Variants in CAST observed in about 807,000 individuals in gnomAD.
CAST encodes the protein MIR583 host.
Under a neutral mutation model 119.6 loss-of-function variants are expected in CAST, and 76 were observed. The ratio of observed to expected loss-of-function variants is 0.64; its 90% CI spans 0.53 to 0.77. The LOEUF (loss-of-function observed/expected upper bound fraction) is 0.77. CAST is among the 30% of genes least tolerant of loss of function. The pLI, the probability that CAST is intolerant of heterozygous loss-of-function variation, is 0.00. For synonymous variants in CAST, 319 were observed against 331.6 expected, an observed-to-expected ratio of 0.96 and a Z score of 0.41; for missense variants, 953 against 946.5, an observed-to-expected ratio of 1.01 and a Z score of -0.09.
chr5:96,059,003 C>A, the CAST span, among the ~76,000 whole-genome samples: 7 of 152,060 alleles, frequency 4.6e-5, no homozygotes, highest in Admixed American at 4.6e-4. Flanking sequence ...ATGACGAAAA[C>A]TTTAGCTGGA....
the CAST span, among the ~76,000 whole-genome samples, chr5:96,311,827 C>G: frequency 6.6e-6 from 1 of 151,960 alleles, no homozygotes; most frequent in South Asian, 2.1e-4. Context: ...TTCTTATAGG[C>G]AGCATATAAT....
At chr5:96,365,805 G>A in the CAST span, among the ~76,000 whole-genome samples, 2 of 152,142 alleles carry the variant, frequency 1.3e-5, no homozygotes, top group Non-Finnish European at 2.9e-5. Flanking sequence ...CTTTTAATTG[G>A]AGCATTTAGC....
chr5:96,212,836 A>T, the CAST span, among the ~76,000 whole-genome samples: 106 of 152,254 alleles, frequency 7.0e-4, no homozygotes, highest in African/African-American at 2.5e-3. Context: ...ATGTAGGGCC[A>T]GGCTCAGACA....
At chr5:96,186,987 G>A in the CAST span, among the ~76,000 whole-genome samples, 20 of 151,982 alleles carry the variant, frequency 1.3e-4, no homozygotes, top group Non-Finnish European at 2.5e-4. Flanking sequence ...CCTGGGCTTC[G>A]TTTTGTTGGT....
chr5:96,762,482 A>T, intron 25 of CAST, 110 bp downstream of exon 25: 1 of 657,030 alleles, frequency 1.5e-6, no homozygotes, highest in Non-Finnish European at 2.5e-6. Context: ...TATTAGGAAG[A>T]TCAGGCACCT....
the CAST span, among the ~76,000 whole-genome samples, chr5:96,174,872 T>C: frequency 1.3e-5 from 2 of 152,108 alleles, no homozygotes; most frequent in South Asian, 4.1e-4. Context: ...TATTTAAAGG[T>C]TTTCTTTTCA....
chr5:96,585,418 T>C (rs984705885), intron 1 of CAST, among the ~76,000 whole-genome samples: 1 of 152,174 alleles, frequency 6.6e-6, no homozygotes, highest in Admixed American at 6.5e-5. Context: ...CAGAATAATA[T>C]CTAAACTTAT....
chr5:96,507,366 TC>T, the CAST span, among the ~76,000 whole-genome samples: 17 of 152,334 alleles, frequency 1.1e-4, no homozygotes, highest in African/African-American at 4.1e-4. Flanking sequence ...AACCATTTTT[TC>T]TTTGATGTAC....
At chr5:96,258,808 ATG>A in the CAST span, among the ~76,000 whole-genome samples, 78,692 of 152,072 alleles carry the variant, frequency 0.52, 21,654 homozygotes, top group African/African-American at 0.7. Flanking sequence ...TATAAAGCAT[ATG>A]TGTTTTTCCC....
At chr5:95,974,143 C>T in the CAST span, among the ~76,000 whole-genome samples, 1 of 152,280 alleles carries the variant, frequency 6.6e-6, no homozygotes, top group East Asian at 1.9e-4. Context: ...TCACTCTGAC[C>T]AAGCTGCCTG....
the CAST span, among the ~76,000 whole-genome samples, chr5:96,286,820 C>T: frequency 6.6e-6 from 1 of 151,938 alleles, no homozygotes; most frequent in East Asian, 1.9e-4. Flanking sequence ...TTTATTTTCT[C>T]TTACTAGAGT....
chr5:96,380,339 G>T, the CAST span, among the ~76,000 whole-genome samples: 2 of 152,114 alleles, frequency 1.3e-5, no homozygotes, highest in Admixed American at 6.6e-5. Flanking sequence ...ATTAAATATA[G>T]ACCCTTGAAT....
At chr5:96,187,244 T>G in the CAST span, among the ~76,000 whole-genome samples, 1 of 152,248 alleles carries the variant, frequency 6.6e-6, no homozygotes, top group South Asian at 2.1e-4. Flanking sequence ...CTCTCTTTTC[T>G]TCTTTATTAG....
rs140434940 is a variant in CAST, at chr5:96,741,272, A to G, written c.925A>G (p.Ile309Val). ...ACTGTGCCTGTTTCTTTAGAAACCCATAGGGCCAGATGATGCTATAGACGC... is the reference window on the plus strand; with the variant it reads ...ACTGTGCCTGTTTCTTTAGAAACCCGTAGGGCCAGATGATGCTATAGACGC... ...TGPPADSSKP[I>V]GPDDAIDALS... The change falls in exon 14 of 32, where the codon ATA (isoleucine) becomes GTA (valine). Residue 309 changes from isoleucine to valine, a missense_variant. Ile to Val is a conservative substitution (Grantham distance 29). Coordinates refer to ENST00000675179, the MANE Select transcript of CAST (RefSeq NM_001750.7). The G allele has an allele frequency of 1.2e-5, 19 of 1,606,112 alleles. 1 individual carries two copies. In the South Asian group the frequency reaches 1.9e-4, roughly 16 times the overall value.
chr5:96,198,913 T>G, the CAST span, among the ~76,000 whole-genome samples: 1 of 152,286 alleles, frequency 6.6e-6, no homozygotes, highest in East Asian at 1.9e-4. Flanking sequence ...TGTCCATTTT[T>G]CATGTTCCAT....
At chr5:96,504,231 A>T in the CAST span, among the ~76,000 whole-genome samples, 1 of 152,168 alleles carries the variant, frequency 6.6e-6, no homozygotes, top group Admixed American at 6.5e-5. Context: ...CCCCAGCGCT[A>T]TCTGGCCCCA....
the CAST span, among the ~76,000 whole-genome samples, chr5:96,033,039 C>G: frequency 1.3e-5 from 2 of 151,958 alleles, no homozygotes; most frequent in African/African-American, 4.8e-5. Context: ...AGCAAACTAT[C>G]TGAAAAAGAA....
intron 3 of CAST, among the ~76,000 whole-genome samples, chr5:96,712,146 C>A (rs964409828): frequency 6.6e-6 from 1 of 152,048 alleles, no homozygotes; most frequent in Non-Finnish European, 1.5e-5. Flanking sequence ...CTATCTATTC[C>A]ACTGAATTGT....
At chr5:96,751,003 C>T (rs747939310) in intron 20 of CAST, among the ~76,000 whole-genome samples, 30 of 152,130 alleles carry the variant, frequency 2.0e-4, no homozygotes, top group Non-Finnish European at 3.1e-4. Context: ...CACCGAAAGC[C>T]CAAAGTTACT....
Sources: allele counts gnomAD v4.1 joint callset (sites outside exome capture counted in the v4.1 genomes callset), GRCh38; gene constraint gnomAD v4.1.1; transcripts MANE v1.5; gene names NCBI Gene and HGNC (gene_info 2026-07-23, HGNC 2026-07-21).